ARHGAP29: variants seen among roughly 807,000 people sequenced by gnomAD.
ARHGAP29 encodes rho GTPase-activating protein 29.
In ARHGAP29, 43 loss-of-function variants were observed where a neutral mutation model predicts 122.6. That is an observed-to-expected ratio of 0.35 (90% CI 0.27 to 0.45). The LOEUF (loss-of-function observed/expected upper bound fraction) is 0.45, where lower values mean the gene tolerates loss of function less well. Among genes scored for constraint, ARHGAP29 ranks in the 20% least tolerant of loss-of-function variants. ARHGAP29 has a pLI of 1.00. For synonymous variants in ARHGAP29, 506 were observed against 497.1 expected (o/e 1.02, Z -0.24); for missense variants, 1,303 against 1,477.2 (o/e 0.88, Z 1.93).
At chr1:94,273,345 C>A (rs1655063368) in intron 1 of ARHGAP29, among the ~76,000 whole-genome samples, 1 of 152,208 alleles carries the variant, frequency 6.6e-6, no homozygotes, top group South Asian at 2.1e-4. Flanking sequence ...AGGGCTTAAG[C>A]AATTTATTTT....
At chr1:94,205,252 T>C in intron 6 of ARHGAP29, 54 bp from the exon 7 acceptor site, 1 of 1,363,304 alleles carries the variant, frequency 7.3e-7, no homozygotes, top group Non-Finnish European at 9.7e-7. Context: ...ACATCATAAC[T>C]CCAAACAAAG....
At chr1:94,266,714 G>A (rs1416297258) in intron 1 of ARHGAP29, among the ~76,000 whole-genome samples, 2 of 152,124 alleles carry the variant, frequency 1.3e-5, no homozygotes, top group African/African-American at 4.8e-5. Context: ...TAAATTCATG[G>A]TAACTTATCT....
At chr1:94,232,950 G>A (rs1043769945) in intron 1 of ARHGAP29, among the ~76,000 whole-genome samples, 20 of 147,700 alleles carry the variant, frequency 1.4e-4, no homozygotes, top group Admixed American at 1.3e-3. Flanking sequence ...TTTTTTTGGA[G>A]GGGGGAAGGG....
chr1:94,296,513 C>T, the ARHGAP29 span, among the ~76,000 whole-genome samples: 3 of 152,194 alleles, frequency 2.0e-5, no homozygotes, highest in Admixed American at 1.3e-4. Context: ...TTAATGCTAT[C>T]TTTGCTTTCA....
At chr1:94,209,175 T>C (rs1651416188) in intron 4 of ARHGAP29, 79 bp downstream of exon 4, 1 of 1,053,448 alleles carries the variant, frequency 9.5e-7, no homozygotes, top group Non-Finnish European at 1.4e-6. Flanking sequence ...TCGTTTCCCA[T>C]GTATGTTACT....
chr1:94,253,814 T>A (rs1441610073), intron 1 of ARHGAP29, among the ~76,000 whole-genome samples: 1 of 152,214 alleles, frequency 6.6e-6, no homozygotes, highest in Non-Finnish European at 1.5e-5. Context: ...ATGCTACTAC[T>A]AGTGACTTAG....
At position 94,213,338 on chromosome 1, in the gene ARHGAP29, C is replaced by T. The variant is rs147340317; in HGVS notation, c.341-3988G>A. Among the ~76,000 whole-genome samples, 774 of 152,272 alleles carry T rather than the reference C, an allele frequency of 5.1e-3. 10 individuals carry two copies. The highest frequency in any genetic ancestry group is 0.018 in the African/African-American group (745 of 41,546). On this transcript the variant is annotated intron_variant, in intron 3 of 22. Transcript: ENST00000260526. ...GGGACTACAGGCACCCGCCACCAGG[C>T]CCGGCCAATTTTTTTTGTATTTTTT...
intron 8 of ARHGAP29, 108 bp from the exon 9 acceptor site, chr1:94,203,318 C>A (rs917566766): frequency 1.0e-5 from 7 of 674,110 alleles, no homozygotes; most frequent in Middle Eastern, 4.4e-4. Flanking sequence ...ACTTTTGCCC[C>A]CAGAAAAATA....
chr1:94,289,280 G>T, the ARHGAP29 span, among the ~76,000 whole-genome samples: 1 of 151,984 alleles, frequency 6.6e-6, no homozygotes, highest in Non-Finnish European at 1.5e-5. Context: ...TCATGATTTG[G>T]CTCTCTGTTT....
At chr1:94,196,208 T>A (rs1379534244) in intron 12 of ARHGAP29, among the ~76,000 whole-genome samples, 1 of 151,660 alleles carries the variant, frequency 6.6e-6, no homozygotes, top group African/African-American at 2.4e-5. Context: ...AATTCATCAC[T>A]GATCTTTTCA....
In ARHGAP29 at chr1:94,202,613, G is replaced by A. The variant is rs1450927073; in HGVS notation, c.1074C>T (p.Gly358=). The A allele has an allele frequency of 1.2e-6, 2 of 1,613,848 alleles. No homozygotes were observed. The highest frequency in any genetic ancestry group is 1.3e-5 in the African/African-American group (1 of 74,858). ...GCTTGTTGAGATTTTTTGCTAATCC[G>A]CCACTTGAAGACAGATGCTCCTCTT... ...RAEEEHLSSS[G]GLAKNLNKQL... Residue 358 remains glycine, a synonymous_variant, in exon 11 of 23, where the codon GGC becomes GGT. Coordinates refer to ENST00000260526, the MANE Select transcript of ARHGAP29 (RefSeq NM_004815.4).
At chr1:94,196,418 C>T (rs994301559) in intron 12 of ARHGAP29, among the ~76,000 whole-genome samples, 1 of 150,746 alleles carries the variant, frequency 6.6e-6, no homozygotes, top group Non-Finnish European at 1.5e-5. Context: ...CCCGCTACCA[C>T]GCCCGGCTAA....
chr1:94,312,881 A>G, the ARHGAP29 span, among the ~76,000 whole-genome samples: 3 of 152,146 alleles, frequency 2.0e-5, no homozygotes, highest in Non-Finnish European at 4.4e-5. Context: ...GAGAGTGCCT[A>G]GGGCTCCAGC....
At chr1:94,241,275 G>T (rs558727101), upstream of ARHGAP29, among the ~76,000 whole-genome samples, 1 of 152,106 alleles carries the variant, frequency 6.6e-6, no homozygotes, top group South Asian at 2.1e-4. Context: ...CAAATAAACT[G>T]CAGGAAAAAA....
chr1:94,203,905 C>T, intron 8 of ARHGAP29, 25 bp downstream of exon 8: 1 of 1,606,126 alleles, frequency 6.2e-7, no homozygotes, highest in Admixed American at 1.7e-5. Context: ...TATTATAGAA[C>T]CCCCGAAGTT....
At chr1:94,301,107 C>T in the ARHGAP29 span, among the ~76,000 whole-genome samples, 2 of 152,222 alleles carry the variant, frequency 1.3e-5, no homozygotes, top group Admixed American at 1.3e-4. Context: ...CTTCTTCCAC[C>T]TTCTCAGTAA....
chr1:94,201,506 TTCTCTCTCTCTC>T lies in ARHGAP29; in HGVS notation c.1281+202_1281+213del, dbSNP rs111304569. Among the ~76,000 whole-genome samples, 1,367 of 141,386 alleles carry T rather than the reference TTCTCTCTCTCTC, an allele frequency of 9.7e-3. 19 individuals carry two copies. The highest frequency in any genetic ancestry group is 0.034 in the African/African-American group (1,263 of 37,084). 92.8% of individuals were successfully genotyped at this position (141,386 alleles called of 152,430 possible). Reference sequence around the variant, plus strand: ...CTCCCTCCCTTCTTTCCTTCCTTCCTTCTCTCTCTCTCTCTCTCTCTCTCTCTCTCTTTCTTG... The same window carrying T: ...CTCCCTCCCTTCTTTCCTTCCTTCCTTCTCTCTCTCTCTCTCTCTTTCTTG... On this transcript the variant is annotated intron_variant, in intron 12 of 22. Coordinates refer to ENST00000260526, the MANE Select transcript of ARHGAP29 (RefSeq NM_004815.4).
chr1:94,284,910 T>C, the ARHGAP29 span, among the ~76,000 whole-genome samples: 1 of 152,200 alleles, frequency 6.6e-6, no homozygotes, highest in Non-Finnish European at 1.5e-5. Flanking sequence ...TGCCCAGCAT[T>C]GAACACAATA....
At chr1:94,241,358 G>A (rs1036316800), upstream of ARHGAP29, among the ~76,000 whole-genome samples, 4 of 152,172 alleles carry the variant, frequency 2.6e-5, no homozygotes, top group African/African-American at 9.6e-5. Context: ...GCTCACGCCT[G>A]TAATCCCAGC....
Sources: allele counts gnomAD v4.1 joint callset (sites outside exome capture counted in the v4.1 genomes callset), GRCh38; gene constraint gnomAD v4.1.1; transcripts MANE v1.5; gene names NCBI Gene and HGNC (gene_info 2026-07-23, HGNC 2026-07-21).